The following SNX24 variants were observed in gnomAD, a reference collection of about 807,000 sequenced individuals.
SNX24 encodes the protein sorting nexin 24, also known as sorting nexin-24.
A neutral mutation model predicts 28.7 loss-of-function variants in SNX24; 22 were observed. The ratio of observed to expected loss-of-function variants is 0.77; its 90% CI spans 0.55 to 1.10. The LOEUF (loss-of-function observed/expected upper bound fraction) is 1.10. Ranked by LOEUF, SNX24 falls within the 50% of genes least tolerant of loss-of-function variation. SNX24 has a pLI of 0.00. For missense variants in SNX24, 221 were observed against 201.1 expected, an observed-to-expected ratio of 1.10 and a Z score of -0.60; for synonymous variants, 69 against 71.5, an observed-to-expected ratio of 0.96 and a Z score of 0.18.
At chr5:122,994,216 A>G (rs1036881097) in intron 3 of SNX24, among the ~76,000 whole-genome samples, 1 of 152,030 alleles carries the variant, frequency 6.6e-6, no homozygotes, top group African/African-American at 2.4e-5. Flanking sequence ...GTAGGTTTGG[A>G]CCTAACTAGA....
At chr5:122,916,542 C>T (rs1165802684) in intron 1 of SNX24, among the ~76,000 whole-genome samples, 2 of 152,100 alleles carry the variant, frequency 1.3e-5, no homozygotes, top group African/African-American at 4.8e-5. Flanking sequence ...GAGCCTTGAT[C>T]CTGATGCTTC....
intron 3 of SNX24, among the ~76,000 whole-genome samples, chr5:122,976,074 A>G (rs1340457333): frequency 6.6e-6 from 1 of 152,204 alleles, no homozygotes; most frequent in African/African-American, 2.4e-5. Flanking sequence ...TAGTGGAAAG[A>G]TTTACAAAAT....
chr5:122,872,346 A>G (rs1756017893), intron 1 of SNX24, among the ~76,000 whole-genome samples: 1 of 151,836 alleles, frequency 6.6e-6, no homozygotes, highest in Admixed American at 6.6e-5. Flanking sequence ...TATTCCAACT[A>G]CCTTTCTGTG....
At chr5:122,910,155 A>G (rs1004588857) in intron 1 of SNX24, among the ~76,000 whole-genome samples, 9 of 152,226 alleles carry the variant, frequency 5.9e-5, no homozygotes, top group African/African-American at 1.2e-4. Context: ...AAAAAATCCA[A>G]TGGAACAAAG....
At chr5:123,021,933 C>G (rs1172540860) in intron 5 of SNX24, among the ~76,000 whole-genome samples, 1 of 152,094 alleles carries the variant, frequency 6.6e-6, no homozygotes, top group African/African-American at 2.4e-5. Flanking sequence ...TCCTTCAGGC[C>G]TTAGCACAAA....
chr5:122,919,298 C>T (rs529775512), intron 1 of SNX24, among the ~76,000 whole-genome samples: 42 of 152,246 alleles, frequency 2.8e-4, no homozygotes, highest in African/African-American at 1.0e-3. Context: ...GCATGTAAAT[C>T]GGCATATTGG....
chr5:122,966,503 G>A (rs1444256409), intron 3 of SNX24, among the ~76,000 whole-genome samples: 3 of 152,230 alleles, frequency 2.0e-5, no homozygotes, highest in Admixed American at 6.5e-5. Context: ...GATGGACTGT[G>A]TTGAAACATA....
intron 1 of SNX24, among the ~76,000 whole-genome samples, chr5:122,854,562 A>C (rs544347985): frequency 6.6e-6 from 1 of 152,242 alleles, no homozygotes; most frequent in South Asian, 2.1e-4. Flanking sequence ...TATGTAAAAA[A>C]AAAATCTTAT....
At chr5:122,889,737 A>G (rs1386501259) in intron 1 of SNX24, among the ~76,000 whole-genome samples, 1 of 146,242 alleles carries the variant, frequency 6.8e-6, no homozygotes, top group Non-Finnish European at 1.5e-5. Context: ...GTATATATAT[A>G]TATGTGTATA....
intron 3 of SNX24, among the ~76,000 whole-genome samples, chr5:122,953,561 T>C (rs1044200183): frequency 6.6e-6 from 1 of 151,400 alleles, no homozygotes; most frequent in Non-Finnish European, 1.5e-5. Context: ...AAGGTTGAGC[T>C]TCAGTCATGG....
At chr5:122,943,137 G>A (rs1281770196) in intron 2 of SNX24, among the ~76,000 whole-genome samples, 1 of 152,102 alleles carries the variant, frequency 6.6e-6, no homozygotes, top group South Asian at 2.1e-4. Flanking sequence ...GATTAAATAT[G>A]TATTTATTCC....
downstream of SNX24, among the ~76,000 whole-genome samples, chr5:123,011,076 T>C (rs1297338757): frequency 2.6e-5 from 4 of 152,212 alleles, no homozygotes; most frequent in African/African-American, 9.7e-5. Flanking sequence ...TGGACCACAG[T>C]GTTAATAGTA....
intron 1 of SNX24, among the ~76,000 whole-genome samples, chr5:122,880,335 G>C (rs1050915054): frequency 1.3e-5 from 2 of 152,156 alleles, no homozygotes; most frequent in South Asian, 4.1e-4. Context: ...AAGATTATCC[G>C]AATGAAGAGG....
At chr5:122,964,984 G>A (rs892767556) in intron 3 of SNX24, among the ~76,000 whole-genome samples, 6 of 152,086 alleles carry the variant, frequency 3.9e-5, no homozygotes, top group African/African-American at 1.4e-4. Context: ...GTGTTTGGTT[G>A]GAGGTGTTGG....
exon 6 of SNX24, chr5:123,029,243 A>G (rs1470569378): frequency 3.1e-6 from 5 of 1,613,508 alleles, no homozygotes; most frequent in Admixed American, 1.7e-5. Context: ...CTCAGATGAC[A>G]TCTTTATATT....
intron 3 of SNX24, among the ~76,000 whole-genome samples, chr5:122,966,844 TAA>T (rs1272393730): frequency 6.6e-6 from 1 of 152,138 alleles, no homozygotes; most frequent in African/African-American, 2.4e-5. Context: ...AGGCATACAA[TAA>T]AGAGTAGCTA....
intron 1 of SNX24, among the ~76,000 whole-genome samples, chr5:122,846,639 C>G (rs950016063): frequency 1.3e-5 from 2 of 152,140 alleles, no homozygotes; most frequent in African/African-American, 4.8e-5. Context: ...TATTTGGTGA[C>G]AGTCTGTTTG....
rs1169395220 is a variant in SNX24, at chr5:122,946,096, T to C, written c.186T>C (p.His62=). Residue 62 remains histidine, a synonymous_variant, in exon 3 of 7, where the codon CAT becomes CAC. Transcript: ENST00000261369. ...CIKTPEIPSK[H]VRNWVPKVLE... is the part of the protein sequence containing the mutation. Reference sequence around the variant, plus strand: ...AAACTCCAGAAATCCCTTCTAAACATGTTAGGAACTGGGTCCCCAAAGTCT... The same window carrying C: ...AAACTCCAGAAATCCCTTCTAAACACGTTAGGAACTGGGTCCCCAAAGTCT... 6 of 1,610,810 alleles carry C rather than the reference T, an allele frequency of 3.7e-6. No homozygotes were observed. Among genetic ancestry groups the C allele is most frequent in the Non-Finnish European group, 5.1e-6 (6 of 1,177,800 alleles).
intron 5 of SNX24, among the ~76,000 whole-genome samples, chr5:123,015,030 C>G (rs148163697): frequency 0.011 from 1,653 of 152,332 alleles, 13 homozygotes; most frequent in Middle Eastern, 0.051. Context: ...TACCATTATT[C>G]TATTGTTGCT....
Sources: allele counts gnomAD v4.1 joint callset (sites outside exome capture counted in the v4.1 genomes callset), GRCh38; gene constraint gnomAD v4.1.1; transcripts MANE v1.5; gene names NCBI Gene and HGNC (gene_info 2026-07-23, HGNC 2026-07-21).